The following KAT5 variants were observed in gnomAD, a reference collection of about 807,000 sequenced individuals.
KAT5 encodes lysine acetyltransferase 5, also known as histone acetyltransferase KAT5.
Under a neutral mutation model 68.1 loss-of-function variants are expected in KAT5, and 31 were observed. The ratio of observed to expected loss-of-function variants is 0.46; its 90% CI spans 0.34 to 0.61. The LOEUF is 0.61. KAT5 is among the 20% of genes least tolerant of loss of function. The pLI, the probability that KAT5 is intolerant of heterozygous loss-of-function variation, is 0.01. For synonymous variants in KAT5, 365 were observed against 292.6 expected (o/e 1.25, Z -2.52); for missense variants, 451 against 725.5 (o/e 0.62, Z 4.35).
intron 8 of KAT5, 78 bp from the exon 9 acceptor site, chr11:65,716,589 A>C (rs1311004549): frequency 1.0e-5 from 14 of 1,406,784 alleles, no homozygotes; most frequent in Admixed American, 7.0e-5. Context: ...CGAACAGTGA[A>C]GCTCCTGGTT....
chr11:65,714,442 T>G (rs1364260397), intron 6 of KAT5, 53 bp from the exon 7 acceptor site: 3 of 1,588,426 alleles, frequency 1.9e-6, no homozygotes, highest in Non-Finnish European at 2.6e-6. Flanking sequence ...TGAGCTGTGG[T>G]GTCCTGCTGA....
rs769854027 is a variant in KAT5, at chr11:65,718,577, T to TC, written c.1265-11dup. The TC allele has an allele frequency of 6.2e-7, 1 of 1,611,824 alleles. No individual in the cohort carries two copies. The highest frequency in any genetic ancestry group is 8.5e-7 in the Non-Finnish European group (1 of 1,178,460). The stretch of plus-strand genomic sequence containing the variant: ...TGACCTCTTACTCACCCTCTCCTGC[T>TC]CCATTGCTTTAGGCTATGAACTCTC... On this transcript the variant is annotated splice_polypyrimidine_tract_variant and intron_variant, in intron 10 of 12. Transcript: ENST00000341318.
rs952759552 is a variant in KAT5, at chr11:65,712,276, G to C, written c.9G>C (p.Glu3Asp). 1.1e-5 allele frequency: 15 copies of C among 1,425,496 alleles called. No individual in the cohort carries two copies. The South Asian group carries it at 2.2e-4, about 21-fold the overall frequency. 88.3% of individuals were successfully genotyped at this position (1,425,496 alleles called of 1,614,324 possible). A position where few individuals can be genotyped will look rare whatever the true frequency, so the allele number is the denominator to read the frequency against. ...CAGTGGAGGGAGGGAAGATGGCGGA[G>C]GTGGTGAGTCCGGTGCCCGGGGCGG... MA[E>D]VVSPVPGAGR... Residue 3 changes from glutamate (E) to aspartate (D), a missense_variant, in exon 1 of 13, where the codon GAG becomes GAC. By Grantham distance (45) the Glu-to-Asp change is conservative. Around this residue, in one of 4 missense-constraint regions of KAT5, gnomAD observed 104 missense variants for 107.3 expected, o/e 0.97. Coordinates refer to ENST00000341318, the MANE Select transcript of KAT5 (RefSeq NM_182710.3).
Position 65,712,770 on chromosome 11 carries a change from G to A in KAT5, c.183G>A (p.Leu61=), listed in dbSNP as rs776848313. 1.9e-6 allele frequency: 3 copies of A among 1,613,984 alleles called. No individual in the cohort carries two copies. Among genetic ancestry groups the A allele is most frequent in the Non-Finnish European group, 2.5e-6 (3 of 1,179,996 alleles). Reference sequence around the variant, plus strand: ...CTGTCTATGCTATTCTCATAGCCCTGGCCGAGATCCTGAGCGTGAAGGACA... The same window carrying A: ...CTGTCTATGCTATTCTCATAGCCCTAGCCGAGATCCTGAGCGTGAAGGACA... ...RNQDNEDEWP[L]AEILSVKDIS... The change falls in exon 2 of 13, where the codon CTG becomes CTA. Residue 61 remains leucine (L), a synonymous_variant. Transcript: ENST00000341318.
In KAT5 at chr11:65,713,380, G is replaced by C. The variant is rs1857089725; in HGVS notation, c.417G>C (p.Leu139Phe). Residue 139 changes from leucine (L) to phenylalanine (F), a missense_variant, in exon 4 of 13, where the codon TTG (leucine) becomes TTC (phenylalanine). Physicochemically the swap from Leu to Phe is conservative, Grantham distance 22. Transcript: ENST00000341318. ...CGGCGCAGGCCAGCGGGAAGACCTT[G>C]CCAATCCCGGTCCAGATCACACTCC... ...PASAQASGKT[L>F]PIPVQITLRF... The C allele has an allele frequency of 6.2e-7, 1 of 1,613,838 alleles. No individual in the cohort carries two copies. The highest frequency in any genetic ancestry group is 1.3e-5 in the African/African-American group (1 of 74,844).
rs1484180918 is a variant in KAT5, at chr11:65,712,332, C to T, written c.65C>T (p.Ala22Val). 1.3e-6 allele frequency: 2 copies of T among 1,511,530 alleles called. No homozygotes were observed. The highest frequency in any genetic ancestry group is 8.8e-7 in the Non-Finnish European group (1 of 1,139,002). 93.6% of individuals were successfully genotyped at this position (1,511,530 alleles called of 1,614,324 possible). Residue 22 changes from alanine (A) to valine (V), a missense_variant, in exon 1 of 13, where the codon GCC becomes GTC. Physicochemically the swap from Ala to Val is moderately conservative, Grantham distance 64 (BLOSUM62 0). Around this residue, in one of 4 missense-constraint regions of KAT5, gnomAD observed 104 missense variants for 107.3 expected, o/e 0.97. Coordinates refer to ENST00000341318, the MANE Select transcript of KAT5 (RefSeq NM_182710.3). ...GRREPGEVGR[A>V]RGPPVADPGV... ...AGGGAGCCAGGGGAGGTGGGTAGAG[C>T]CCGAGGCCCCCCAGTAGCCGACCCT...
intron 5 of KAT5, 30 bp from the exon 6 acceptor site, chr11:65,713,744 C>T: frequency 1.2e-6 from 2 of 1,613,536 alleles, no homozygotes; most frequent in South Asian, 1.1e-5. Flanking sequence ...CATTTCACAG[C>T]CATCCCTTCT....
intron 8 of KAT5, 79 bp downstream of exon 8, chr11:65,714,989 C>T: frequency 1.6e-6 from 2 of 1,274,870 alleles, no homozygotes; most frequent in Admixed American, 3.7e-5. Flanking sequence ...ACTGACCAGT[C>T]AAGCCAGCAG....
chr11:65,717,076 G>C (rs1857221742), intron 10 of KAT5, 94 bp downstream of exon 10: 1 of 1,005,100 alleles, frequency 9.9e-7, no homozygotes, highest in South Asian at 1.3e-5. Context: ...AACCCTGGCT[G>C]TGCAGCCCAG....
intron 10 of KAT5, chr11:65,717,234 A>G: frequency 3.6e-6 from 2 of 562,432 alleles, no homozygotes; most frequent in South Asian, 2.0e-5. Context: ...CTTTCCCCAA[A>G]TCTGACTTAC....
At chr11:65,717,023 A>T in intron 10 of KAT5, 41 bp downstream of exon 10, 1 of 1,464,660 alleles carries the variant, frequency 6.8e-7, no homozygotes, top group Non-Finnish European at 9.6e-7. Context: ...TGGACCCACT[A>T]TCGGTGCCTC....
At chr11:65,715,061 A>G in intron 8 of KAT5, 151 bp downstream of exon 8, 1 of 684,626 alleles carries the variant, frequency 1.5e-6, no homozygotes, top group South Asian at 1.7e-5. Context: ...GCCAGGAATG[A>G]GACAGTCTCT....
At chr11:65,712,152 G>A, upstream of KAT5, 1 of 1,042,618 alleles carries the variant, frequency 9.6e-7, no homozygotes, top group Non-Finnish European at 1.3e-6. Context: ...CTGGGTCGCG[G>A]TGTCTCTCAA....
At chr11:65,712,556 G>A (rs776195524) in intron 1 of KAT5, 111 bp downstream of exon 1, 1 of 1,357,700 alleles carries the variant, frequency 7.4e-7, no homozygotes, top group South Asian at 1.3e-5. Flanking sequence ...GCGAGGCGCA[G>A]ATACTTTGAT....
Position 65,714,872 on chromosome 11 carries a change from A to G in KAT5, c.991A>G (p.Thr331Ala). 1 of 1,614,226 alleles carries G rather than the reference A, an allele frequency of 6.2e-7. No individual in the cohort carries two copies. The highest frequency in any genetic ancestry group is 1.1e-5 in the South Asian group (1 of 91,088). Residue 331 changes from threonine to alanine, a missense_variant, in exon 8 of 13, where the codon ACC becomes GCC. By Grantham distance (58) the Thr-to-Ala change is moderately conservative. Transcript: ENST00000341318. ...AGGCAATGAGATTTACCGCAAGGGC[A>G]CCATCTCCTTCTTTGAGATTGATGG... ...PPGNEIYRKG[T>A]ISFFEIDGRK... is the part of the protein sequence containing the mutation.
intron 1 of KAT5, 68 bp from the exon 2 acceptor site, chr11:65,712,698 C>A (rs183474864): frequency 6.4e-7 from 1 of 1,560,758 alleles, no homozygotes. Flanking sequence ...GGGTGGAGTT[C>A]AGGTCGTGGA....
Position 65,713,550 on chromosome 11 carries a change from C to A in KAT5, c.541-43C>A. 2.5e-6 allele frequency: 4 copies of A among 1,614,110 alleles called. No homozygotes were observed. In the South Asian group the frequency reaches 3.3e-5, roughly 13 times the overall value. ...ACCTTGCTTTCTTCTCAGGTCCCAC[C>A]TTCTCTACCTTCTGACCCACCTTTG... On this transcript the variant is annotated intron_variant, in intron 4 of 12. Transcript: ENST00000341318.
rs1218846311 is a variant in KAT5, at chr11:65,716,648, C to T, written c.1030-19C>T. 1 of 1,611,374 alleles carries T rather than the reference C, an allele frequency of 6.2e-7. No individual in the cohort carries two copies. The highest frequency in any genetic ancestry group is 8.5e-7 in the Non-Finnish European group (1 of 1,179,098). The stretch of plus-strand genomic sequence containing the variant: ...CAAGGCGGGATACCCAGAGTGGTGA[C>T]AAGCCTTTTCTCTTGCAGAGTTATT... On this transcript the variant is annotated intron_variant, in intron 8 of 12. Transcript: ENST00000341318.
At chr11:65,714,411 A>T (rs1322681756) in intron 6 of KAT5, 84 bp from the exon 7 acceptor site, 1 of 1,516,024 alleles carries the variant, frequency 6.6e-7, no homozygotes, top group Non-Finnish European at 8.9e-7. Flanking sequence ...TTAGGCTTGA[A>T]GGAAACCTGT....
Sources: gnomAD v4.1 joint callset for allele counts on GRCh38, gnomAD v4.1.1 for gene constraint, gnomAD v4.1.1 regional missense constraint, MANE v1.5 for transcripts, NCBI Gene and HGNC (gene_info 2026-07-23, HGNC 2026-07-21) for gene names.